Variants in DOCK6 observed in about 807,000 individuals in gnomAD.
The protein encoded by DOCK6 is dedicator of cytokinesis 6, also known as dedicator of cytokinesis protein 6.
DOCK6 carries 167 observed loss-of-function variants against 230.3 expected under a neutral mutation model. That is an observed-to-expected ratio of 0.73 (90% CI 0.64 to 0.82). DOCK6 has a LOEUF of 0.82. Among genes scored for constraint, DOCK6 ranks in the 40% least tolerant of loss-of-function variants. The pLI is 0.00. For synonymous variants in DOCK6, 1,148 were observed against 1,185.0 expected, an observed-to-expected ratio of 0.97 and a Z score of 0.64; for missense variants, 2,598 against 2,825.8, an observed-to-expected ratio of 0.92 and a Z score of 1.83.
chr19:11,253,338 C>CTAGGTGG (rs1186587949), intron 2 of DOCK6, among the ~76,000 whole-genome samples: 2 of 152,304 alleles, frequency 1.3e-5, no homozygotes, highest in East Asian at 3.9e-4. Flanking sequence ...TCCCCAACTT[C>CTAGGTGG]TCCCTCCTCC....
chr19:11,232,827 A>G (rs2079788242), intron 22 of DOCK6, among the ~76,000 whole-genome samples: 1 of 151,916 alleles, frequency 6.6e-6, no homozygotes, highest in African/African-American at 2.4e-5. Flanking sequence ...ATGTACATAT[A>G]TGCATGGGGT....
chr19:11,241,492 C>T (rs896572226), intron 14 of DOCK6: 40 of 1,553,142 alleles, frequency 2.6e-5, no homozygotes, highest in Admixed American at 3.9e-5. Context: ...TCACAGGCCA[C>T]GTGCAGCGGC....
chr19:11,243,643 C>T lies in DOCK6; in HGVS notation c.1172G>A (p.Arg391His), dbSNP rs956831332. 3 of 1,612,664 alleles carry T rather than the reference C, an allele frequency of 1.9e-6. No homozygotes were observed. The highest frequency in any genetic ancestry group is 1.7e-5 in the Admixed American group (1 of 59,946). Residue 391 changes from arginine to histidine, a missense_variant, in exon 11 of 48, where the codon CGC becomes CAC. Transcript: ENST00000294618. This position sits in a 1 kb window ranked among gnomAD's most constrained non-coding sequence, Gnocchi z 6.3. ...EQFCTRLGRY[R>H]MPFAWTAVHL... The stretch of plus-strand genomic sequence containing the variant: ...CACGGCCGTCCAGGCGAAGGGCATG[C>T]GGTAGCGGCCCAGGCGGGTGCAGAA...
In DOCK6 at chr19:11,201,962, C is replaced by G. The variant is rs756208935; in HGVS notation, c.5615G>C (p.Arg1872Pro). 6.2e-7 allele frequency: 1 copy of G among 1,613,112 alleles called. No individual in the cohort carries two copies. The highest frequency in any genetic ancestry group is 1.1e-5 in the South Asian group (1 of 90,990). Reference sequence around the variant, plus strand: ...GTGGTCGGTGCTGAGCAGCGTCTTACGCTTGTGTTGCTCGGGCAGCTCCCC... The same window carrying G: ...GTGGTCGGTGCTGAGCAGCGTCTTAGGCTTGTGTTGCTCGGGCAGCTCCCC... Reference protein sequence around the residue: ...AHGELPEQHKRKTLLSTDHAF... With the variant: ...AHGELPEQHKPKTLLSTDHAF... The change falls in exon 44 of 48, where the codon CGT becomes CCT. Residue 1872 changes from arginine to proline, a missense_variant. By Grantham distance (103) the Arg-to-Pro change is moderately radical. Coordinates refer to ENST00000294618, the MANE Select transcript of DOCK6 (RefSeq NM_020812.4). This position sits in a 1 kb window ranked among gnomAD's most constrained non-coding sequence, Gnocchi z 4.3.
rs2080106223 is a variant in DOCK6, at chr19:11,250,875, T to C, written c.719A>G (p.Glu240Gly). 1 of 1,592,832 alleles carries C rather than the reference T, an allele frequency of 6.3e-7. No homozygotes were observed. Residue 240 changes from glutamate to glycine, a missense_variant and splice_region_variant, in exon 6 of 48, where the codon GAG (glutamate) becomes GGG (glycine). Transcript: ENST00000294618. ...ALLTLYPAPD[E>G]DEAVERCSRP... ...TGATATCTGGGAAGGGGCACCCACC[T>C]CGTCAGGTGCCGGGTAGAGGGTGAG... is the stretch of plus-strand genomic sequence containing the variant.
intron 18 of DOCK6, 87 bp downstream of exon 18, chr19:11,237,368 CT>C: frequency 6.7e-7 from 1 of 1,488,756 alleles, no homozygotes; most frequent in Non-Finnish European, 9.3e-7. Flanking sequence ...GATAACAAGC[CT>C]CCCAGGATTG....
intron 37 of DOCK6, among the ~76,000 whole-genome samples, 199 bp from the exon 38 acceptor site, chr19:11,209,302 G>C (rs11878417): frequency 1.3e-5 from 2 of 149,112 alleles, no homozygotes; most frequent in Admixed American, 6.6e-5. Context: ...CTTCCCCTTC[G>C]CCTATTTTCT....
intron 24 of DOCK6, among the ~76,000 whole-genome samples, chr19:11,224,190 T>TTTTC (rs199688091): frequency 0.11 from 15,843 of 146,286 alleles, 1,234 homozygotes; most frequent in African/African-American, 0.22. Flanking sequence ...CTGTAATTAC[T>TTTTC]TTTCTTTCTT....
intron 1 of DOCK6, among the ~76,000 whole-genome samples, chr19:11,255,294 C>T (rs538895082): frequency 2.0e-5 from 3 of 147,064 alleles, no homozygotes; most frequent in South Asian, 2.2e-4. Flanking sequence ...CATGAGCCAC[C>T]GCTCCCGGCC....
rs2079890940 is a variant in DOCK6, at chr19:11,238,693, G to T, written c.1644-389C>A. On this transcript the variant is annotated intron_variant, in intron 14 of 47. Transcript: ENST00000294618. The stretch of plus-strand genomic sequence containing the variant: ...CTAAGCCCCACCCAAGGGCCTGACT[G>T]CCCTTCCCCCAGGAGGTCACTAGAG... 3 of 192,478 alleles carry T rather than the reference G, an allele frequency of 1.6e-5. No homozygotes were observed. The South Asian group carries it at 3.3e-4, about 21-fold the overall frequency. The allele number at this position is 192,478 out of a possible 1,614,324, so 11.9% of individuals were successfully genotyped here.
chr19:11,247,968 C>T lies in DOCK6; in HGVS notation c.806+98G>A, dbSNP rs73506665. 3,828 of 1,072,930 alleles carry T rather than the reference C, an allele frequency of 3.6e-3. 95 individuals carry two copies. In the African/African-American group the frequency reaches 0.05, roughly 14 times the overall value. 66.5% of individuals were successfully genotyped at this position (1,072,930 alleles called of 1,614,324 possible). On this transcript the variant is annotated intron_variant, in intron 7 of 47. Transcript: ENST00000294618. ...TAGGTGGCCACATAGGTGACAGGGC[C>T]GCACACGGTAATGGCACTACTCATG...
In DOCK6 at chr19:11,200,315, C is replaced by T. The variant is rs753154433; in HGVS notation, c.6094G>A (p.Gly2032Ser). The change falls in exon 47 of 48, where the codon GGC becomes AGC. Residue 2032 changes from glycine to serine, a missense_variant. By Grantham distance (56) the Gly-to-Ser change is moderately conservative. Transcript: ENST00000294618. This position sits in a 1 kb window ranked among gnomAD's most constrained non-coding sequence, Gnocchi z 4.3. ...LPQLMAPTPP[G>S]LRNSLNRASF... is the part of the protein sequence containing the mutation. ...GGGCACTAGGTCAGGCACCTGAGGCCGGGTGGGGTGGGTGCCATCAGCTGG... is the reference window on the plus strand; with the variant it reads ...GGGCACTAGGTCAGGCACCTGAGGCTGGGTGGGGTGGGTGCCATCAGCTGG... 21 of 1,564,540 alleles carry T rather than the reference C, an allele frequency of 1.3e-5. 1 individual carries two copies. The highest frequency in any genetic ancestry group is 4.1e-5 in the African/African-American group (3 of 73,708).
chr19:11,241,378 G>A (rs768143583), intron 14 of DOCK6: 77 of 1,001,552 alleles, frequency 7.7e-5, no homozygotes, highest in Non-Finnish European at 1.1e-4. Context: ...TGAGGGGCTG[G>A]GGCAGAGGGT....
intron 6 of DOCK6, among the ~76,000 whole-genome samples, chr19:11,248,993 T>C (rs1469876847): frequency 3.9e-5 from 6 of 152,120 alleles, no homozygotes; most frequent in Non-Finnish European, 8.8e-5. Context: ...TGAATAAATA[T>C]GGGTGTATAT....
intron 28 of DOCK6, among the ~76,000 whole-genome samples, chr19:11,219,920 A>T (rs989289942): frequency 3.3e-5 from 5 of 152,096 alleles, no homozygotes; most frequent in Non-Finnish European, 5.9e-5. Context: ...GTCACATAGC[A>T]GGTAAATGGA....
At chr19:11,262,238 C>T (rs1413659087) in intron 1 of DOCK6, among the ~76,000 whole-genome samples, 159 bp downstream of exon 1, 10 of 151,834 alleles carry the variant, frequency 6.6e-5, no homozygotes, top group Admixed American at 4.6e-4. Flanking sequence ...CCCTCCCCGC[C>T]TTCTCCCGCT....
intron 2 of DOCK6, 48 bp from the exon 3 acceptor site, chr19:11,253,006 A>G: frequency 6.5e-7 from 1 of 1,546,334 alleles, no homozygotes; most frequent in African/African-American, 1.4e-5. Flanking sequence ...GGAGGCTGAG[A>G]GTGGGGGCAC....
In DOCK6 at chr19:11,201,118, G is replaced by A; in HGVS notation, c.5689-66C>T. On this transcript the variant is annotated intron_variant, in intron 44 of 47. Coordinates refer to ENST00000294618, the MANE Select transcript of DOCK6 (RefSeq NM_020812.4). The surrounding 1 kb of genome is among the most constrained non-coding windows in gnomAD (Gnocchi z 4.3). ...AGGAGGTCCTGATCGAAGCCAGTCG[G>A]GGGCAGCTCAGACCCCGCTGGGAGT... 6.3e-7 allele frequency: 1 copy of A among 1,585,004 alleles called. No individual in the cohort carries two copies.
At position 11,202,300 on chromosome 19, in the gene DOCK6, G is replaced by C; in HGVS notation, c.5451+94C>G. ...GTCCCTCAGTGAAATATGATTTGGGGTTTCCCAGAGAAAGAGGATTTGAGG... is the reference window on the plus strand; with the variant it reads ...GTCCCTCAGTGAAATATGATTTGGGCTTTCCCAGAGAAAGAGGATTTGAGG... On this transcript the variant is annotated intron_variant, in intron 43 of 47. Transcript: ENST00000294618. This position sits in a 1 kb window ranked among gnomAD's most constrained non-coding sequence, Gnocchi z 5.3. 1 of 1,477,484 alleles carries C rather than the reference G, an allele frequency of 6.8e-7. No homozygotes were observed. The highest frequency in any genetic ancestry group is 9.2e-7 in the Non-Finnish European group (1 of 1,081,850). 91.5% of individuals were successfully genotyped at this position (1,477,484 alleles called of 1,614,324 possible). A position where few individuals can be genotyped will look rare whatever the true frequency, so the allele number is the denominator to read the frequency against.
Sources: allele counts gnomAD v4.1 joint callset (sites outside exome capture counted in the v4.1 genomes callset), GRCh38; gene constraint gnomAD v4.1.1; non-coding constraint Gnocchi (gnomAD v3.1); transcripts MANE v1.5; gene names NCBI Gene and HGNC (gene_info 2026-07-23, HGNC 2026-07-21).